ZNF804B: variants seen among roughly 807,000 people sequenced by gnomAD.
The protein encoded by ZNF804B is zinc finger protein 804B.
A neutral mutation model predicts 101.4 loss-of-function variants in ZNF804B; 80 were observed. The observed-to-expected ratio is 0.79, with a 90% confidence interval of 0.66 to 0.95. The LOEUF (loss-of-function observed/expected upper bound fraction) is 0.95. Ranked by LOEUF, ZNF804B falls within the 40% of genes least tolerant of loss-of-function variation. The pLI is 0.00. For synonymous variants in ZNF804B, 622 were observed against 558.8 expected, an observed-to-expected ratio of 1.11 and a Z score of -1.59; for missense variants, 1,673 against 1,561.9, an observed-to-expected ratio of 1.07 and a Z score of -1.20.
intron 1 of ZNF804B, among the ~76,000 whole-genome samples, chr7:88,872,563 C>A (rs1450314402): frequency 6.6e-6 from 1 of 151,942 alleles, no homozygotes; most frequent in Admixed American, 6.6e-5. Context: ...TGGTGCACTG[C>A]ACCCATTAAC....
intron 1 of ZNF804B, among the ~76,000 whole-genome samples, chr7:88,865,307 G>C (rs1379383942): frequency 6.6e-6 from 1 of 151,936 alleles, no homozygotes; most frequent in Non-Finnish European, 1.5e-5. Context: ...TGAGGCAGGA[G>C]GATCACTTGG....
At chr7:89,296,839 A>G (rs762224597) in intron 2 of ZNF804B, among the ~76,000 whole-genome samples, 1 of 152,048 alleles carries the variant, frequency 6.6e-6, no homozygotes, top group African/African-American at 2.4e-5. Context: ...TTTCTCCTTA[A>G]TGAGCTGCTG....
At chr7:89,199,197 G>A (rs1233435196) in intron 1 of ZNF804B, among the ~76,000 whole-genome samples, 2 of 151,598 alleles carry the variant, frequency 1.3e-5, no homozygotes, top group African/African-American at 4.8e-5. Context: ...AGGCTTTGTG[G>A]GCCCATTCTT....
chr7:88,823,899 A>G (rs139626111), intron 1 of ZNF804B, among the ~76,000 whole-genome samples: 1 of 152,170 alleles, frequency 6.6e-6, no homozygotes, highest in Non-Finnish European at 1.5e-5. Flanking sequence ...AGGAGGTCCT[A>G]TGGTGGCCAC....
At chr7:89,027,708 A>G (rs2040524) in intron 1 of ZNF804B, among the ~76,000 whole-genome samples, 33,460 of 152,094 alleles carry the variant, frequency 0.22, 3,791 homozygotes, top group East Asian at 0.29. Context: ...GAAGAAGGTC[A>G]TGAAAGCTCT....
chr7:88,817,644 G>A (rs1415652364), intron 1 of ZNF804B, among the ~76,000 whole-genome samples: 1 of 152,136 alleles, frequency 6.6e-6, no homozygotes, highest in Non-Finnish European at 1.5e-5. Context: ...GGTATACCCT[G>A]CACCCAGTAT....
intron 1 of ZNF804B, among the ~76,000 whole-genome samples, chr7:89,121,341 G>A (rs1176758114): frequency 3.3e-5 from 5 of 151,324 alleles, no homozygotes; most frequent in African/African-American, 1.2e-4. Flanking sequence ...TTGTTAAGAT[G>A]TCTCTAGTAT....
At chr7:89,017,460 A>T (rs1041936048) in intron 1 of ZNF804B, among the ~76,000 whole-genome samples, 5 of 152,122 alleles carry the variant, frequency 3.3e-5, no homozygotes, top group African/African-American at 1.2e-4. Context: ...TCAGTATGAT[A>T]TTGGCTATGT....
At chr7:88,843,728 C>G (rs1205240695) in intron 1 of ZNF804B, among the ~76,000 whole-genome samples, 2 of 151,984 alleles carry the variant, frequency 1.3e-5, no homozygotes, top group African/African-American at 4.8e-5. Context: ...CAGAGCGAGA[C>G]TCTGTCTCAA....
intron 1 of ZNF804B, among the ~76,000 whole-genome samples, chr7:88,873,363 A>G (rs749959674): frequency 6.6e-6 from 1 of 152,070 alleles, no homozygotes; most frequent in East Asian, 1.9e-4. Context: ...TAGATTCTTG[A>G]TATTAGCCCT....
chr7:89,002,257 G>T (rs1788301565), intron 1 of ZNF804B, among the ~76,000 whole-genome samples: 1 of 151,750 alleles, frequency 6.6e-6, no homozygotes, highest in Non-Finnish European at 1.5e-5. Flanking sequence ...ACTAATGTTT[G>T]CATTTAGTGC....
intron 1 of ZNF804B, among the ~76,000 whole-genome samples, chr7:88,953,504 A>G (rs1358875154): frequency 6.6e-6 from 1 of 151,704 alleles, no homozygotes; most frequent in Admixed American, 6.6e-5. Context: ...ATTTTCTGTC[A>G]CGTTCCCCCA....
At chr7:89,092,408 G>GTTTTTT (rs71120056) in intron 1 of ZNF804B, among the ~76,000 whole-genome samples, 41 of 93,822 alleles carry the variant, frequency 4.4e-4, no homozygotes, top group East Asian at 7.3e-4. Flanking sequence ...TTTCTTTTCT[G>GTTTTTT]TTTTTTTTTT....
At chr7:88,875,474 A>G (rs1177332746) in intron 1 of ZNF804B, among the ~76,000 whole-genome samples, 1 of 152,130 alleles carries the variant, frequency 6.6e-6, no homozygotes, top group African/African-American at 2.4e-5. Context: ...ATCATAAAGG[A>G]GATATCACCA....
chr7:89,278,201 G>T (rs755610300), intron 2 of ZNF804B, among the ~76,000 whole-genome samples: 164 of 147,900 alleles, frequency 1.1e-3, no homozygotes, highest in Non-Finnish European at 1.8e-3. Context: ...GGGGTTGTTT[G>T]TTTTTTTCTT....
chr7:89,026,459 GTTTA>G (rs961404250), intron 1 of ZNF804B, among the ~76,000 whole-genome samples: 1 of 152,060 alleles, frequency 6.6e-6, no homozygotes, highest in African/African-American at 2.4e-5. Flanking sequence ...TTTTTATAAG[GTTTA>G]TTTGATTTCT....
intron 1 of ZNF804B, among the ~76,000 whole-genome samples, chr7:88,957,826 C>T (rs1403235817): frequency 6.6e-6 from 1 of 150,858 alleles, no homozygotes; most frequent in African/African-American, 2.4e-5. Context: ...TATTTAATAA[C>T]AAAAATAAAT....
chr7:89,034,401 GC>G (rs1476078328), intron 1 of ZNF804B, among the ~76,000 whole-genome samples: 1 of 151,282 alleles, frequency 6.6e-6, no homozygotes, highest in African/African-American at 2.4e-5. Context: ...CCCTCCCCTA[GC>G]CCCCTACCCC....
intron 1 of ZNF804B, among the ~76,000 whole-genome samples, chr7:89,102,539 TGCA>T (rs1790071170): frequency 6.6e-6 from 1 of 152,044 alleles, no homozygotes; most frequent in Non-Finnish European, 1.5e-5. Flanking sequence ...GGTTGTTTGT[TGCA>T]TCTTGAGTTG....
Sources: allele counts gnomAD v4.1 joint callset (sites outside exome capture counted in the v4.1 genomes callset), GRCh38; gene constraint gnomAD v4.1.1; transcripts MANE v1.5; gene names NCBI Gene and HGNC (gene_info 2026-07-23, HGNC 2026-07-21).